Variants in CADM2 observed in about 807,000 individuals in gnomAD.
CADM2 encodes the protein cell adhesion molecule 2.
Under a neutral mutation model 49.8 loss-of-function variants are expected in CADM2, and 12 were observed. That is an observed-to-expected ratio of 0.24 (90% CI 0.15 to 0.39). The LOEUF (loss-of-function observed/expected upper bound fraction) is 0.39. Ranked by LOEUF, CADM2 falls within the 10% of genes least tolerant of loss-of-function variation. The pLI, the probability that CADM2 is intolerant of heterozygous loss-of-function variation, is 1.00. For missense variants in CADM2, 378 were observed against 492.3 expected (o/e 0.77, Z 2.20); for synonymous variants, 214 against 175.4 (o/e 1.22, Z -1.74).
chr3:85,042,595 T>A (rs2035485075), intron 1 of CADM2, among the ~76,000 whole-genome samples: 1 of 152,198 alleles, frequency 6.6e-6, no homozygotes, highest in Non-Finnish European at 1.5e-5. Context: ...TTTGCAAAAT[T>A]TCAAAGGAAC....
chr3:85,393,184 A>G (rs2034605581), intron 1 of CADM2, among the ~76,000 whole-genome samples: 1 of 152,126 alleles, frequency 6.6e-6, no homozygotes, highest in Admixed American at 6.6e-5. Context: ...GCTAATAAAA[A>G]TCAGTGATTT....
intron 1 of CADM2, among the ~76,000 whole-genome samples, chr3:85,544,951 C>T (rs1026302303): frequency 1.3e-5 from 2 of 152,136 alleles, no homozygotes; most frequent in African/African-American, 2.4e-5. Context: ...ACTCCTAAAT[C>T]GATAACTTTG....
chr3:85,038,895 C>T (rs185547415), intron 1 of CADM2, among the ~76,000 whole-genome samples: 3 of 152,212 alleles, frequency 2.0e-5, no homozygotes, highest in African/African-American at 7.2e-5. Context: ...AATGTAACAA[C>T]TTTTTCATCC....
intron 1 of CADM2, among the ~76,000 whole-genome samples, chr3:85,566,776 C>G (rs2062273535): frequency 6.6e-6 from 1 of 152,136 alleles, no homozygotes; most frequent in Admixed American, 6.5e-5. Flanking sequence ...ATTTGATAAT[C>G]AAGTGAATTG....
At chr3:85,413,265 A>G (rs2035760660) in intron 1 of CADM2, among the ~76,000 whole-genome samples, 1 of 151,548 alleles carries the variant, frequency 6.6e-6, no homozygotes, top group Non-Finnish European at 1.5e-5. Flanking sequence ...CAGTACACAT[A>G]TACATTATAT....
rs554242821 is a variant in CADM2, at chr3:85,625,660, A to G, written c.62-100862A>G. 2.0e-5 allele frequency among the ~76,000 whole-genome samples: 3 copies of G among 152,190 alleles called. No individual in the cohort carries two copies. In the South Asian group the frequency reaches 6.2e-4, roughly 31 times the overall value. ...TGGCAATGTTCAAAAGAGAGTGAAA[A>G]TGAAGACAATTTAGGGATTGGGGAA... On this transcript the variant is annotated intron_variant, in intron 1 of 9. Coordinates refer to ENST00000383699, the MANE Select transcript of CADM2 (RefSeq NM_001167675.2).
At chr3:85,119,498 A>G (rs2038773771) in intron 1 of CADM2, among the ~76,000 whole-genome samples, 1 of 152,154 alleles carries the variant, frequency 6.6e-6, no homozygotes, top group African/African-American at 2.4e-5. Context: ...TTGGTTCCAT[A>G]TGAAATTTAA....
At chr3:85,208,965 G>A (rs1256758864) in intron 1 of CADM2, among the ~76,000 whole-genome samples, 1 of 152,086 alleles carries the variant, frequency 6.6e-6, no homozygotes, top group Non-Finnish European at 1.5e-5. Flanking sequence ...TTTATGTCAT[G>A]AATTTTAAAA....
chr3:85,153,762 C>T (rs543309419), intron 1 of CADM2, among the ~76,000 whole-genome samples: 1 of 152,272 alleles, frequency 6.6e-6, no homozygotes, highest in South Asian at 2.1e-4. Flanking sequence ...AGACTGCCTC[C>T]TCAAGTGGGT....
At chr3:85,116,192 T>A (rs899759426) in intron 1 of CADM2, among the ~76,000 whole-genome samples, 5 of 152,164 alleles carry the variant, frequency 3.3e-5, no homozygotes, top group Admixed American at 3.3e-4. Flanking sequence ...CTGAGTGTGA[T>A]GGCACATGCC....
chr3:85,349,042 C>G (rs9309974), intron 1 of CADM2, among the ~76,000 whole-genome samples: 138,221 of 152,128 alleles, frequency 0.91, 63,403 homozygotes, highest in Non-Finnish European at 0.97. Context: ...CTGTATAACC[C>G]TAAATATTCA....
At chr3:85,646,474 A>AAATTG (rs1320112251) in intron 1 of CADM2, among the ~76,000 whole-genome samples, 2 of 151,968 alleles carry the variant, frequency 1.3e-5, no homozygotes, top group Non-Finnish European at 2.9e-5. Context: ...AATAGAACAA[A>AAATTG]ACTGTGAAAC....
intron 5 of CADM2, among the ~76,000 whole-genome samples, chr3:85,903,367 C>T (rs1716376165): frequency 6.6e-6 from 1 of 151,356 alleles, no homozygotes. Context: ...CTTAACATTT[C>T]TTGTAAGGCA....
chr3:84,962,892 T>G (rs982220352), intron 1 of CADM2, among the ~76,000 whole-genome samples: 2 of 152,210 alleles, frequency 1.3e-5, no homozygotes, highest in Non-Finnish European at 2.9e-5. Flanking sequence ...TTTTTACCTT[T>G]TTTCTGGGAA....
chr3:85,955,380 C>G (rs966682907), intron 7 of CADM2, among the ~76,000 whole-genome samples: 1 of 151,354 alleles, frequency 6.6e-6, no homozygotes, highest in Non-Finnish European at 1.5e-5. Flanking sequence ...AACTCTGTCC[C>G]TTTCCACACC....
At position 85,920,175 on chromosome 3, in the gene CADM2, G is replaced by A. The variant is rs372297352; in HGVS notation, c.700+7632G>A. ...ATATCAGCTTATCAGATAGGAAGAC[G>A]AATATTCCAAGGAGCATTCAAAATA... is the stretch of plus-strand genomic sequence containing the variant. On this transcript the variant is annotated intron_variant, in intron 6 of 9. Transcript: ENST00000383699. Among the ~76,000 whole-genome samples the A allele has an allele frequency of 4.5e-4, 68 of 151,862 alleles. No homozygotes were observed. In the South Asian group the frequency reaches 6.6e-3, roughly 15 times the overall value.
chr3:85,959,173 T>TC (rs1724504907), intron 7 of CADM2, among the ~76,000 whole-genome samples: 1 of 151,176 alleles, frequency 6.6e-6, no homozygotes, highest in African/African-American at 2.4e-5. Context: ...TCTCTCTCTC[T>TC]GTCTCACAAA....
chr3:84,989,474 C>G (rs1339200538), intron 1 of CADM2, among the ~76,000 whole-genome samples: 1 of 152,004 alleles, frequency 6.6e-6, no homozygotes, highest in Non-Finnish European at 1.5e-5. Flanking sequence ...TGAGCAAACT[C>G]TCTCTCTTGT....
In CADM2 at chr3:85,622,844, T is replaced by C. The variant is rs113788971; in HGVS notation, c.62-103678T>C. Among the ~76,000 whole-genome samples the C allele has an allele frequency of 3.9e-3, 589 of 152,264 alleles. 3 individuals are homozygous for C. The highest frequency in any genetic ancestry group is 0.013 in the African/African-American group (528 of 41,560). ...CAAATCTGTAACAACACACATTCTTTTCTCATGAAGTGTCTGCAAATTTTT... is the reference window on the plus strand; with the variant it reads ...CAAATCTGTAACAACACACATTCTTCTCTCATGAAGTGTCTGCAAATTTTT... On this transcript the variant is annotated intron_variant, in intron 1 of 9. Transcript: ENST00000383699.
Sources: gnomAD v4.1 joint callset for allele counts (sites outside exome capture counted in the v4.1 genomes callset) on GRCh38, gnomAD v4.1.1 for gene constraint, MANE v1.5 for transcripts, NCBI Gene and HGNC (gene_info 2026-07-23, HGNC 2026-07-21) for gene names.